The following UBE3C variants were observed in gnomAD, a reference collection of about 807,000 sequenced individuals.
UBE3C encodes the protein ubiquitin protein ligase E3C, also known as ubiquitin-protein ligase E3C.
A neutral mutation model predicts 129.4 loss-of-function variants in UBE3C; 42 were observed. That is an observed-to-expected ratio of 0.32 (90% CI 0.25 to 0.42). The LOEUF is 0.42. UBE3C is among the 10% of genes least tolerant of loss of function. UBE3C has a pLI of 1.00. For missense variants in UBE3C, 1,049 were observed against 1,319.1 expected, an observed-to-expected ratio of 0.80 and a Z score of 3.17; for synonymous variants, 510 against 492.4, an observed-to-expected ratio of 1.04 and a Z score of -0.47.
chr7:157,221,585 A>AT (rs1563062319), intron 15 of UBE3C: 1 of 152,304 alleles, frequency 6.6e-6, no homozygotes, highest in Non-Finnish European at 1.5e-5. Flanking sequence ...TACTAAAAAT[A>AT]CAAAAAACTA....
intron 1 of UBE3C, among the ~76,000 whole-genome samples, chr7:157,152,977 C>G (rs1189177508): frequency 6.6e-6 from 1 of 152,096 alleles, no homozygotes; most frequent in African/African-American, 2.4e-5. Flanking sequence ...GGGTGGATTG[C>G]CTGAGGTCAG....
At chr7:157,250,477 A>G (rs984206738) in intron 19 of UBE3C, among the ~76,000 whole-genome samples, 2 of 151,820 alleles carry the variant, frequency 1.3e-5, no homozygotes, top group African/African-American at 4.8e-5. Context: ...ATGAGCCACC[A>G]TTCCTGGCTA....
chr7:157,225,656 CTG>C (rs953757905), intron 17 of UBE3C, 117 bp downstream of exon 17: 3 of 1,225,934 alleles, frequency 2.4e-6, no homozygotes, highest in African/African-American at 3.1e-5. Context: ...GACTTAAAAA[CTG>C]AAATGTGAGG....
chr7:157,203,850 T>C (rs922954333), intron 11 of UBE3C, among the ~76,000 whole-genome samples: 2 of 152,174 alleles, frequency 1.3e-5, no homozygotes, highest in Non-Finnish European at 2.9e-5. Flanking sequence ...AAACCCATTG[T>C]AAGTTGAAAA....
chr7:157,179,064 T>C (rs1808600303), intron 6 of UBE3C, among the ~76,000 whole-genome samples: 1 of 151,718 alleles, frequency 6.6e-6, no homozygotes, highest in South Asian at 2.1e-4. Flanking sequence ...AACATGCTAC[T>C]CTCTTTGCCT....
rs1797040937 is a variant in UBE3C, at chr7:157,265,087, G to A, written c.3082-2498G>A. Among the ~76,000 whole-genome samples the A allele has an allele frequency of 3.3e-5, 5 of 152,130 alleles. No individual in the cohort carries two copies. In the South Asian group the frequency reaches 1.0e-3, roughly 32 times the overall value. On this transcript the variant is annotated intron_variant, in intron 22 of 22. Transcript: ENST00000348165. Reference sequence around the variant, plus strand: ...CGTTGTGATGCTGTGAACCTCTTGTGCATAAATTATCATGTGCATCTCTAA... The same window carrying A: ...CGTTGTGATGCTGTGAACCTCTTGTACATAAATTATCATGTGCATCTCTAA...
At chr7:157,166,154 C>A (rs575304569) in intron 2 of UBE3C, among the ~76,000 whole-genome samples, 1 of 152,148 alleles carries the variant, frequency 6.6e-6, no homozygotes. Flanking sequence ...TTATGTTATC[C>A]CAAATGTCAT....
At chr7:157,220,823 G>A (rs1795718243) in intron 15 of UBE3C, 47 bp downstream of exon 15, 3 of 1,587,900 alleles carry the variant, frequency 1.9e-6, no homozygotes, top group Admixed American at 1.7e-5. Context: ...ATTACATGCT[G>A]TCAAATTCAC....
At chr7:157,199,066 C>T (rs1342117118) in intron 10 of UBE3C, among the ~76,000 whole-genome samples, 1 of 152,206 alleles carries the variant, frequency 6.6e-6, no homozygotes, top group Non-Finnish European at 1.5e-5. Flanking sequence ...TCTATGTCTA[C>T]ACACAAGGGT....
At chr7:157,205,128 T>C (rs1809397681) in intron 11 of UBE3C, among the ~76,000 whole-genome samples, 1 of 152,216 alleles carries the variant, frequency 6.6e-6, no homozygotes, top group African/African-American at 2.4e-5. Flanking sequence ...CAGAGGAATA[T>C]TTGAGTCAGT....
intron 2 of UBE3C, among the ~76,000 whole-genome samples, chr7:157,166,621 T>C (rs929184426): frequency 6.6e-6 from 1 of 151,072 alleles, no homozygotes; most frequent in African/African-American, 2.4e-5. Flanking sequence ...ATGCCTGTAA[T>C]CCCAGCTCCT....
In UBE3C at chr7:157,147,372, C is replaced by T. The variant is rs1471949629; in HGVS notation, c.66+8034C>T. ...AAGCAATTGACTTTCATGTACTAAC[C>T]TTATGTCCTGAAATCTTGCTATAAT... On this transcript the variant is annotated intron_variant, in intron 1 of 22. Transcript: ENST00000348165. 3.9e-5 allele frequency among the ~76,000 whole-genome samples: 6 copies of T among 152,252 alleles called. No individual in the cohort carries two copies. The South Asian group carries it at 1.0e-3, about 26-fold the overall frequency.
rs571934787 is a variant in UBE3C, at chr7:157,238,327, G to A, written c.2481+7000G>A. Among the ~76,000 whole-genome samples the A allele has an allele frequency of 3.5e-4, 54 of 152,190 alleles. 1 individual carries two copies. The highest frequency in any genetic ancestry group is 3.1e-3 in the Admixed American group (48 of 15,290). Reference sequence around the variant, plus strand: ...GCCTGTGTTGTCGTGGGCCTCCTTGGCTTTGGTGTAAGTAGCTAGCATTGG... The same window carrying A: ...GCCTGTGTTGTCGTGGGCCTCCTTGACTTTGGTGTAAGTAGCTAGCATTGG... On this transcript the variant is annotated intron_variant, in intron 18 of 22. Coordinates refer to ENST00000348165, the MANE Select transcript of UBE3C (RefSeq NM_014671.3).
intron 1 of UBE3C, among the ~76,000 whole-genome samples, 165 bp downstream of exon 1, chr7:157,139,503 C>T (rs1807368371): frequency 6.6e-6 from 1 of 150,634 alleles, no homozygotes; most frequent in Non-Finnish European, 1.5e-5. Flanking sequence ...GATCTCGGGG[C>T]CGCTCCGGCC....
At chr7:157,168,091 C>T (rs903057452) in intron 2 of UBE3C, among the ~76,000 whole-genome samples, 1 of 151,850 alleles carries the variant, frequency 6.6e-6, no homozygotes, top group Non-Finnish European at 1.5e-5. Flanking sequence ...GTGGCTCATG[C>T]CTGTAATCTC....
Position 157,267,872 on chromosome 7 carries a change from T to G in UBE3C, c.*117T>G. On this transcript the variant is annotated 3_prime_UTR_variant, in exon 23 of 23. Transcript: ENST00000348165. Reference sequence around the variant, plus strand: ...CCTGAGGCTCTCCTAAGCTCCTTCTTTCATTCTGCCATTCCTCCCTCCCTT... The same window carrying G: ...CCTGAGGCTCTCCTAAGCTCCTTCTGTCATTCTGCCATTCCTCCCTCCCTT... 1.2e-6 allele frequency: 1 copy of G among 826,188 alleles called. No individual in the cohort carries two copies. The highest frequency in any genetic ancestry group is 1.8e-6 in the Non-Finnish European group (1 of 563,306). The allele number at this position is 826,188 out of a possible 1,614,324, so 51.2% of individuals were successfully genotyped here. A position where few individuals can be genotyped will look rare whatever the true frequency, so the allele number is the denominator to read the frequency against.
intron 6 of UBE3C, among the ~76,000 whole-genome samples, chr7:157,180,702 T>C (rs1808645044): frequency 6.6e-6 from 1 of 152,240 alleles, no homozygotes; most frequent in South Asian, 2.1e-4. Context: ...CCCAGAGTTA[T>C]GTTCACTGCC....
In UBE3C at chr7:157,207,953, T is replaced by G. The variant is rs1809480563; in HGVS notation, c.1809+18T>G. ...TATTTAAGGTATAGAGTATATGTAT[T>G]TTTTTGTTTACTGACATTGAAAAAT... On this transcript the variant is annotated intron_variant, in intron 13 of 22. Transcript: ENST00000348165. 1 of 1,435,860 alleles carries G rather than the reference T, an allele frequency of 7.0e-7. No individual in the cohort carries two copies. The highest frequency in any genetic ancestry group is 1.4e-5 in the African/African-American group (1 of 70,038). The allele number at this position is 1,435,860 out of a possible 1,614,324, so 88.9% of individuals were successfully genotyped here.
At chr7:157,180,750 A>G (rs1808646266) in intron 6 of UBE3C, among the ~76,000 whole-genome samples, 1 of 152,200 alleles carries the variant, frequency 6.6e-6, no homozygotes, top group Non-Finnish European at 1.5e-5. Flanking sequence ...TAGGCTGGAT[A>G]TTTTAAGAGG....
Sources: allele counts gnomAD v4.1 joint callset (sites outside exome capture counted in the v4.1 genomes callset), GRCh38; gene constraint gnomAD v4.1.1; transcripts MANE v1.5; gene names NCBI Gene and HGNC (gene_info 2026-07-23, HGNC 2026-07-21).